Variants in KCNJ9 observed in about 807,000 individuals in gnomAD.
The protein encoded by KCNJ9 is G protein-activated inward rectifier potassium channel 3.
A neutral mutation model predicts 27.9 loss-of-function variants in KCNJ9; 18 were observed. The ratio of observed to expected loss-of-function variants is 0.65; its 90% CI spans 0.45 to 0.96. KCNJ9 has a LOEUF of 0.96. Among genes scored for constraint, KCNJ9 ranks in the 40% least tolerant of loss-of-function variants. KCNJ9 has a pLI of 0.00. For synonymous variants in KCNJ9, 229 were observed against 248.2 expected (o/e 0.92, Z 0.73); for missense variants, 324 against 557.5 (o/e 0.58, Z 4.22).
rs1312918220 is a variant in KCNJ9, at chr1:160,084,630, A to G, written c.600A>G (p.Ile200Met). ...FRVGDLRSSH[I>M]VEASIRAKLI... ...TGGGCGACTTGCGCTCCTCACACATAGTGGAGGCCTCCATCCGCGCCAAGC... is the reference window on the plus strand; with the variant it reads ...TGGGCGACTTGCGCTCCTCACACATGGTGGAGGCCTCCATCCGCGCCAAGC... The change falls in exon 2 of 3, where the codon ATA becomes ATG. Residue 200 changes from isoleucine to methionine, a missense_variant. This residue lies in a region of KCNJ9 where 241 missense variants were observed against 481.7 expected (regional missense o/e 0.50). Transcript: ENST00000368088. 3 of 1,606,504 alleles carry G rather than the reference A, an allele frequency of 1.9e-6. No individual in the cohort carries two copies. The highest frequency in any genetic ancestry group is 3.4e-5 in the Admixed American group (2 of 59,130).
chr1:160,088,712 G>A lies in KCNJ9; in HGVS notation c.*895G>A, dbSNP rs1649832616. On this transcript the variant is annotated 3_prime_UTR_variant, in exon 3 of 3. Coordinates refer to ENST00000368088, the MANE Select transcript of KCNJ9 (RefSeq NM_004983.3). ...GGGTTCACTAGAGCTGGGAAACAGG[G>A]AGCCCCTAGGAAAGCAGTGTGTCCT... 2.0e-5 allele frequency: 3 copies of A among 152,262 alleles called. No individual in the cohort carries two copies. The highest frequency in any genetic ancestry group is 2.0e-4 in the Admixed American group (3 of 15,276). The allele number at this position is 152,262 out of a possible 1,614,324, so 9.4% of individuals were successfully genotyped here. A position where few individuals can be genotyped will look rare whatever the true frequency, so the allele number is the denominator to read the frequency against.
intron 1 of KCNJ9, 76 bp from the exon 2 acceptor site, chr1:160,083,841 G>C (rs1201857871): frequency 5.4e-6 from 2 of 367,292 alleles, no homozygotes; most frequent in Non-Finnish European, 9.1e-6. Context: ...GGGCCCCCCA[G>C]GGCTCGGTGC....
At position 160,081,640 on chromosome 1, in the gene KCNJ9, G is replaced by A. The variant is rs944824658; in HGVS notation, c.-172G>A. On this transcript the variant is annotated 5_prime_UTR_variant, in exon 1 of 3. Coordinates refer to ENST00000368088, the MANE Select transcript of KCNJ9 (RefSeq NM_004983.3). ...GGCCCGTGGGGGGGGCGGTGTCAGG[G>A]GCATGGACGCCACCCCCCAGGGGTC... The A allele has an allele frequency of 2.0e-5, 3 of 152,324 alleles. No individual in the cohort carries two copies. The highest frequency in any genetic ancestry group is 3.2e-3 in the Middle Eastern group (1 of 316). 9.4% of individuals were successfully genotyped at this position (152,324 alleles called of 1,614,324 possible).
At position 160,084,015 on chromosome 1, in the gene KCNJ9, C is replaced by A; in HGVS notation, c.-16C>A. The stretch of plus-strand genomic sequence containing the variant: ...GCACTCCAGGCGCCCGCAGCGCTCG[C>A]CCTGACGCGGCCGCCATGGCGCAGG... On this transcript the variant is annotated 5_prime_UTR_variant, in exon 2 of 3. Transcript: ENST00000368088. The A allele has an allele frequency of 1.5e-6, 2 of 1,376,446 alleles. No homozygotes were observed. The highest frequency in any genetic ancestry group is 1.7e-5 in the South Asian group (1 of 58,314). The allele number at this position is 1,376,446 out of a possible 1,614,324, so 85.3% of individuals were successfully genotyped here. A position where few individuals can be genotyped will look rare whatever the true frequency, so the allele number is the denominator to read the frequency against.
intron 1 of KCNJ9, among the ~76,000 whole-genome samples, chr1:160,083,542 C>T (rs1483595370): frequency 1.3e-5 from 2 of 152,122 alleles, no homozygotes; most frequent in African/African-American, 4.8e-5. Flanking sequence ...GCCCCCCTCC[C>T]CAAAAAGCCC....
intron 2 of KCNJ9, among the ~76,000 whole-genome samples, chr1:160,085,387 G>T (rs1312827714): frequency 6.6e-6 from 1 of 152,344 alleles, no homozygotes; most frequent in Non-Finnish European, 1.5e-5. Context: ...TCAATGTTTA[G>T]TGGTCCCGAG....
chr1:160,083,549 GC>G (rs1649718698), intron 1 of KCNJ9, among the ~76,000 whole-genome samples: 1 of 152,078 alleles, frequency 6.6e-6, no homozygotes, highest in Admixed American at 6.5e-5. Flanking sequence ...TCCCCAAAAA[GC>G]CCCCAGTCTA....
At chr1:160,084,941 C>T in intron 2 of KCNJ9, 61 bp downstream of exon 2, 2 of 1,461,014 alleles carry the variant, frequency 1.4e-6, no homozygotes, top group Non-Finnish European at 1.8e-6. Context: ...CCGAGGAAGG[C>T]AGGGGCGAGA....
At chr1:160,083,089 C>T (rs1006832857) in intron 1 of KCNJ9, among the ~76,000 whole-genome samples, 4 of 152,170 alleles carry the variant, frequency 2.6e-5, no homozygotes, top group Admixed American at 6.5e-5. Flanking sequence ...CAGAGGGATA[C>T]GAGCCTAACT....
In KCNJ9 at chr1:160,084,217, T is replaced by G; in HGVS notation, c.187T>G (p.Phe63Val). Residue 63 changes from phenylalanine to valine, a missense_variant, in exon 2 of 3, where the codon TTC becomes GTC. Phe to Val is a conservative substitution (Grantham distance 50, BLOSUM62 -1). Transcript: ENST00000368088. ...VDLQWRLSLL[F>V]FVLAYALTWL... ...CCTGCAGTGGCGCCTCAGCCTGTTGTTCTTCGTCCTGGCCTACGCGCTCAC... is the reference window on the plus strand; with the variant it reads ...CCTGCAGTGGCGCCTCAGCCTGTTGGTCTTCGTCCTGGCCTACGCGCTCAC... The G allele has an allele frequency of 2.5e-6, 4 of 1,613,140 alleles. No individual in the cohort carries two copies. Among genetic ancestry groups the G allele is most frequent in the Non-Finnish European group, 3.4e-6 (4 of 1,179,714 alleles).
Position 160,084,369 on chromosome 1 carries a change from C to T in KCNJ9, c.339C>T (p.Phe113=). 1.9e-6 allele frequency: 3 copies of T among 1,613,756 alleles called. No homozygotes were observed. Among genetic ancestry groups the T allele is most frequent in the Non-Finnish European group, 1.7e-6 (2 of 1,179,944 alleles). The change falls in exon 2 of 3, where the codon TTC becomes TTT. Residue 113 remains phenylalanine (F), a synonymous_variant. Coordinates refer to ENST00000368088, the MANE Select transcript of KCNJ9 (RefSeq NM_004983.3). ...NLNGFVAAFL[F]SIETETTIGY... is the part of the protein sequence containing the mutation. Reference sequence around the variant, plus strand: ...ACGGCTTCGTGGCCGCCTTCCTCTTCTCCATCGAGACCGAGACCACCATCG... The same window carrying T: ...ACGGCTTCGTGGCCGCCTTCCTCTTTTCCATCGAGACCGAGACCACCATCG...
At chr1:160,083,231 C>A (rs1048571352) in intron 1 of KCNJ9, among the ~76,000 whole-genome samples, 2 of 152,138 alleles carry the variant, frequency 1.3e-5, no homozygotes, top group African/African-American at 4.8e-5. Flanking sequence ...CAGCAGTGAT[C>A]GTGGGTAGGT....
chr1:160,083,444 C>A (rs1649716012), intron 1 of KCNJ9, among the ~76,000 whole-genome samples: 1 of 152,094 alleles, frequency 6.6e-6, no homozygotes, highest in South Asian at 2.1e-4. Flanking sequence ...AAACAGCCTG[C>A]GAGGAGAGCC....
chr1:160,085,481 G>A (rs891465721), intron 2 of KCNJ9, among the ~76,000 whole-genome samples: 7 of 152,206 alleles, frequency 4.6e-5, no homozygotes, highest in Non-Finnish European at 1.0e-4. Flanking sequence ...GTTTTCCATT[G>A]CCTGAGTTAT....
rs1261959867 is a variant in KCNJ9, at chr1:160,090,044, G to A, written c.*2227G>A. 1.3e-5 allele frequency: 2 copies of A among 152,244 alleles called. No homozygotes were observed. Among genetic ancestry groups the A allele is most frequent in the Admixed American group, 1.3e-4 (2 of 15,282 alleles). The allele number at this position is 152,244 out of a possible 1,614,324, so 9.4% of individuals were successfully genotyped here. On this transcript the variant is annotated 3_prime_UTR_variant, in exon 3 of 3. Coordinates refer to ENST00000368088, the MANE Select transcript of KCNJ9 (RefSeq NM_004983.3). ...AGCCCAGACAGCTGGGGTTCACTCAGAGAGGACCCAAGTCCCAGTCCCTTC... is the reference window on the plus strand; with the variant it reads ...AGCCCAGACAGCTGGGGTTCACTCAAAGAGGACCCAAGTCCCAGTCCCTTC...
At chr1:160,084,914 G>A (rs1205164305) in intron 2 of KCNJ9, 34 bp downstream of exon 2, 1 of 1,478,300 alleles carries the variant, frequency 6.8e-7, no homozygotes, top group Non-Finnish European at 9.0e-7. Context: ...AGCGGGGTTG[G>A]CAGAGGGTGG....
Position 160,087,765 on chromosome 1 carries a change from A to G in KCNJ9, c.1130A>G (p.Asp377Gly). ...GGGGCGGGTGGGGAAGCTGGGGCTG[A>G]CAAGGAGCAGAATGGCTGCCTGCCA... ...GEGAGGEAGA[D>G]KEQNGCLPPP... Residue 377 changes from aspartate (D) to glycine (G), a missense_variant, in exon 3 of 3, where the codon GAC becomes GGC. Physicochemically the swap from Asp to Gly is moderately conservative, Grantham distance 94. Coordinates refer to ENST00000368088, the MANE Select transcript of KCNJ9 (RefSeq NM_004983.3). The G allele has an allele frequency of 1.3e-6, 2 of 1,484,498 alleles. No individual in the cohort carries two copies. Among genetic ancestry groups the G allele is most frequent in the Non-Finnish European group, 1.8e-6 (2 of 1,113,898 alleles). 92.0% of individuals were successfully genotyped at this position (1,484,498 alleles called of 1,614,324 possible).
chr1:160,086,317 T>C (rs1464211389), intron 2 of KCNJ9, among the ~76,000 whole-genome samples: 1 of 152,160 alleles, frequency 6.6e-6, no homozygotes, highest in Non-Finnish European at 1.5e-5. Context: ...CAAGACCCTG[T>C]GGCAGAAAGG....
chr1:160,086,895 T>C (rs551923122), intron 2 of KCNJ9, among the ~76,000 whole-genome samples: 2 of 152,250 alleles, frequency 1.3e-5, no homozygotes, highest in South Asian at 2.1e-4. Context: ...TGAGGAATCG[T>C]GGAGGAAGCC....
Sources: gnomAD v4.1 joint callset for allele counts (sites outside exome capture counted in the v4.1 genomes callset) on GRCh38, gnomAD v4.1.1 for gene constraint, gnomAD v4.1.1 regional missense constraint, MANE v1.5 for transcripts, NCBI Gene and HGNC (gene_info 2026-07-23, HGNC 2026-07-21) for gene names.